PAM: variants seen among roughly 807,000 people sequenced by gnomAD.
PAM encodes peptidyl-glycine alpha-amidating monooxygenase.
In PAM, 72 loss-of-function variants were observed where a neutral mutation model predicts 122.1. The ratio of observed to expected loss-of-function variants is 0.59; its 90% CI spans 0.49 to 0.72. The LOEUF (loss-of-function observed/expected upper bound fraction) is 0.72. PAM is among the 30% of genes least tolerant of loss of function. The pLI, the probability that PAM is intolerant of heterozygous loss-of-function variation, is 0.00. For missense variants in PAM, 1,106 were observed against 1,183.7 expected, an observed-to-expected ratio of 0.93 and a Z score of 0.96; for synonymous variants, 389 against 404.4, an observed-to-expected ratio of 0.96 and a Z score of 0.46.
At position 103,028,388 on chromosome 5, in the gene PAM, G is replaced by T. The variant is rs1039385119; in HGVS notation, c.2743+150G>T. On this transcript the variant is annotated intron_variant, in intron 25 of 25. Transcript: ENST00000438793. ...GCATCTCCCAGAGTAAATACAGAATGCACACCATAAACTAAACTGAAGTGC... is the reference window on the plus strand; with the variant it reads ...GCATCTCCCAGAGTAAATACAGAATTCACACCATAAACTAAACTGAAGTGC... 26 of 600,110 alleles carry T rather than the reference G, an allele frequency of 4.3e-5. No individual in the cohort carries two copies. In the African/African-American group the frequency reaches 4.5e-4, roughly 10 times the overall value. The allele number at this position is 600,110 out of a possible 1,614,324, so 37.2% of individuals were successfully genotyped here. A position where few individuals can be genotyped will look rare whatever the true frequency, so the allele number is the denominator to read the frequency against.
In PAM at chr5:103,025,352, C is replaced by T. The variant is rs750100201; in HGVS notation, c.2689+18C>T. On this transcript the variant is annotated intron_variant, in intron 24 of 25. Transcript: ENST00000438793. ...CTTTGGAGGCAAGTAAAATGAGCCC[C>T]GTGAACTTGGAACCTGCCTTTGAAA... is the stretch of plus-strand genomic sequence containing the variant. The T allele has an allele frequency of 8.1e-6, 13 of 1,600,584 alleles. No homozygotes were observed. The highest frequency in any genetic ancestry group is 3.3e-5 in the South Asian group (3 of 90,776).
At chr5:102,798,431 T>C (rs1283184220) in intron 1 of PAM, among the ~76,000 whole-genome samples, 2 of 152,238 alleles carry the variant, frequency 1.3e-5, no homozygotes, top group African/African-American at 4.8e-5. Context: ...GTTTTCAGCA[T>C]GCGAAGGAGG....
At chr5:102,781,825 G>T (rs951380635) in intron 1 of PAM, among the ~76,000 whole-genome samples, 1 of 152,114 alleles carries the variant, frequency 6.6e-6, no homozygotes, top group African/African-American at 2.4e-5. Flanking sequence ...GGTGCTTCTT[G>T]TGGATTAGCC....
chr5:102,767,762 T>C (rs1007583698), intron 1 of PAM, among the ~76,000 whole-genome samples: 9 of 152,186 alleles, frequency 5.9e-5, no homozygotes, highest in African/African-American at 2.2e-4. Context: ...CCATAGATTG[T>C]TTATTTCTGC....
At chr5:103,004,210 A>T (rs1778248031) in intron 17 of PAM, among the ~76,000 whole-genome samples, 1 of 152,202 alleles carries the variant, frequency 6.6e-6, no homozygotes. Flanking sequence ...CAGGGGTGAA[A>T]TGTTTGAACC....
At chr5:102,847,558 G>GA (rs200576614) in intron 1 of PAM, among the ~76,000 whole-genome samples, 6 of 150,974 alleles carry the variant, frequency 4.0e-5, no homozygotes, top group African/African-American at 9.7e-5. Context: ...CTTTATTTGG[G>GA]AAAAAAAAAT....
chr5:102,812,960 CA>C (rs1460881080), intron 1 of PAM, among the ~76,000 whole-genome samples: 1 of 151,368 alleles, frequency 6.6e-6, no homozygotes. Flanking sequence ...AAACAAAACC[CA>C]AATACCTTTA....
At chr5:102,918,720 G>A (rs1055695050) in intron 5 of PAM, among the ~76,000 whole-genome samples, 8 of 151,928 alleles carry the variant, frequency 5.3e-5, no homozygotes, top group African/African-American at 1.9e-4. Flanking sequence ...TGGCATTTGG[G>A]GTAATTCTGG....
intron 3 of PAM, among the ~76,000 whole-genome samples, chr5:102,881,399 A>G (rs1307138085): frequency 6.6e-6 from 1 of 152,098 alleles, no homozygotes; most frequent in African/African-American, 2.4e-5. Context: ...TAATTTTGCA[A>G]AAATTCAAAA....
At chr5:102,810,029 A>T (rs894250030) in intron 1 of PAM, among the ~76,000 whole-genome samples, 1 of 152,222 alleles carries the variant, frequency 6.6e-6, no homozygotes, top group East Asian at 1.9e-4. Flanking sequence ...AACTGTTTCT[A>T]TACTGTTTAA....
chr5:102,914,370 T>C (rs1581647406), intron 5 of PAM, among the ~76,000 whole-genome samples: 1 of 152,048 alleles, frequency 6.6e-6, no homozygotes, highest in African/African-American at 2.4e-5. Context: ...ATGGGTTCAA[T>C]AGATGCCCAA....
chr5:102,894,175 G>C (rs1795520371), intron 3 of PAM, among the ~76,000 whole-genome samples: 1 of 151,558 alleles, frequency 6.6e-6, no homozygotes, highest in South Asian at 2.1e-4. Flanking sequence ...CATAGTCTTG[G>C]GAAGAGCTTG....
chr5:102,857,804 A>T (rs1416082464), intron 1 of PAM, among the ~76,000 whole-genome samples: 1 of 152,220 alleles, frequency 6.6e-6, no homozygotes, highest in African/African-American at 2.4e-5. Flanking sequence ...GCATATAGTA[A>T]TTGCTCAATA....
chr5:102,976,049 G>C (rs1308062523), intron 15 of PAM, among the ~76,000 whole-genome samples: 1 of 152,082 alleles, frequency 6.6e-6, no homozygotes, highest in African/African-American at 2.4e-5. Context: ...TCAAATGGTA[G>C]TGCTCAAGAG....
At chr5:102,805,132 G>T (rs1490516767) in intron 1 of PAM, among the ~76,000 whole-genome samples, 3 of 137,106 alleles carry the variant, frequency 2.2e-5, no homozygotes, top group Non-Finnish European at 4.6e-5. Flanking sequence ...GTGCAGTAGT[G>T]TGATCTCAGC....
intron 18 of PAM, among the ~76,000 whole-genome samples, chr5:103,006,146 A>G (rs1369941187): frequency 6.6e-6 from 1 of 152,172 alleles, no homozygotes; most frequent in Non-Finnish European, 1.5e-5. Flanking sequence ...CAGGTTGCCC[A>G]GGCTGGTCTT....
chr5:102,954,898 G>T (rs760122864), intron 12 of PAM, among the ~76,000 whole-genome samples: 11 of 151,972 alleles, frequency 7.2e-5, no homozygotes, highest in Non-Finnish European at 1.5e-4. Context: ...ATTAAAATAT[G>T]AATGTTCATG....
At chr5:102,973,872 C>A (rs1267955766) in intron 14 of PAM, among the ~76,000 whole-genome samples, 1 of 152,030 alleles carries the variant, frequency 6.6e-6, no homozygotes, top group Non-Finnish European at 1.5e-5. Context: ...ATTACATAAG[C>A]ATTATTTTTT....
intron 1 of PAM, among the ~76,000 whole-genome samples, chr5:102,860,504 G>A (rs192338994): frequency 9.4e-4 from 143 of 152,144 alleles, no homozygotes; most frequent in African/African-American, 3.3e-3. Flanking sequence ...GAAACGTGGT[G>A]AAACTCTGTC....
Sources: gnomAD v4.1 joint callset for allele counts (sites outside exome capture counted in the v4.1 genomes callset) on GRCh38, gnomAD v4.1.1 for gene constraint, MANE v1.5 for transcripts, NCBI Gene and HGNC (gene_info 2026-07-23, HGNC 2026-07-21) for gene names.